The following TAFA1 variants were observed in gnomAD, a reference collection of about 807,000 sequenced individuals.
TAFA1 encodes chemokine-like protein TAFA-1.
A neutral mutation model predicts 18.5 loss-of-function variants in TAFA1; 4 were observed. The ratio of observed to expected loss-of-function variants is 0.22; its 90% CI spans 0.11 to 0.49. The LOEUF (loss-of-function observed/expected upper bound fraction) is 0.49, where lower values mean the gene tolerates loss of function less well. Among genes scored for constraint, TAFA1 ranks in the 20% least tolerant of loss-of-function variants. The pLI is 0.98. For synonymous variants in TAFA1, 56 were observed against 55.2 expected (o/e 1.01, Z -0.06); for missense variants, 147 against 169.0 (o/e 0.87, Z 0.72).
intron 2 of TAFA1, among the ~76,000 whole-genome samples, chr3:68,310,368 T>G (rs1476463386): frequency 6.6e-6 from 1 of 152,190 alleles, no homozygotes; most frequent in Non-Finnish European, 1.5e-5. Flanking sequence ...AAAGTGTTTG[T>G]AATTTTTTCT....
At chr3:68,313,033 G>A (rs184464553) in intron 2 of TAFA1, among the ~76,000 whole-genome samples, 24 of 152,154 alleles carry the variant, frequency 1.6e-4, no homozygotes, top group Admixed American at 6.5e-4. Flanking sequence ...TTTTAAAGTC[G>A]TCAGATCTCA....
chr3:68,138,153 G>T (rs2065629750), intron 2 of TAFA1, among the ~76,000 whole-genome samples: 3 of 152,164 alleles, frequency 2.0e-5, no homozygotes, highest in Admixed American at 2.0e-4. Flanking sequence ...AGAGACATTT[G>T]CTGCTCAGTG....
intron 2 of TAFA1, among the ~76,000 whole-genome samples, chr3:68,196,087 C>T (rs1034421243): frequency 6.6e-6 from 1 of 151,752 alleles, no homozygotes; most frequent in Non-Finnish European, 1.5e-5. Context: ...AAATAATCCT[C>T]ATCTCAGGAC....
Position 68,093,619 on chromosome 3 carries a change from A to C in TAFA1, c.118+86875A>C, listed in dbSNP as rs147561586. Reference sequence around the variant, plus strand: ...TTCTGTCTGACTATGTGATGTGGCCATTTGTATTCTTCTGCAGCTGCTCCA... The same window carrying C: ...TTCTGTCTGACTATGTGATGTGGCCCTTTGTATTCTTCTGCAGCTGCTCCA... On this transcript the variant is annotated intron_variant, in intron 2 of 4. Transcript: ENST00000478136. Among the ~76,000 whole-genome samples the C allele has an allele frequency of 5.0e-3, 759 of 152,146 alleles. 3 individuals are homozygous for C. Among genetic ancestry groups the C allele is most frequent in the Non-Finnish European group, 7.7e-3 (523 of 67,978 alleles).
At chr3:68,031,945 A>C (rs1704943925) in intron 2 of TAFA1, among the ~76,000 whole-genome samples, 1 of 152,150 alleles carries the variant, frequency 6.6e-6, no homozygotes, top group Admixed American at 6.6e-5. Flanking sequence ...TACGGATTTG[A>C]ATCTTCTTAT....
chr3:68,502,648 C>T (rs2106710280), intron 3 of TAFA1, among the ~76,000 whole-genome samples: 1 of 152,106 alleles, frequency 6.6e-6, no homozygotes, highest in Non-Finnish European at 1.5e-5. Context: ...GCCTATTCCC[C>T]CCTGATTCTC....
intron 2 of TAFA1, among the ~76,000 whole-genome samples, chr3:68,019,589 G>A (rs1704643228): frequency 6.6e-6 from 1 of 152,170 alleles, no homozygotes; most frequent in Non-Finnish European, 1.5e-5. Flanking sequence ...ATAATGGGTT[G>A]ACCTTTCTGG....
intron 2 of TAFA1, among the ~76,000 whole-genome samples, chr3:68,282,171 A>G (rs575975716): frequency 2.0e-5 from 3 of 152,280 alleles, no homozygotes; most frequent in African/African-American, 7.2e-5. Flanking sequence ...ACCATGATTC[A>G]ATTACGTCCC....
At chr3:68,302,531 T>C (rs1003324962) in intron 2 of TAFA1, among the ~76,000 whole-genome samples, 3 of 152,182 alleles carry the variant, frequency 2.0e-5, no homozygotes, top group Non-Finnish European at 2.9e-5. Flanking sequence ...CCTTTTCTTT[T>C]CTTGTTAATC....
At chr3:68,015,781 T>C (rs566329861) in intron 2 of TAFA1, among the ~76,000 whole-genome samples, 1 of 152,296 alleles carries the variant, frequency 6.6e-6, no homozygotes, top group Admixed American at 6.5e-5. Context: ...TTTGAGAAAA[T>C]GATTTATGAT....
At chr3:68,171,122 C>A (rs980916575) in intron 2 of TAFA1, among the ~76,000 whole-genome samples, 1 of 152,070 alleles carries the variant, frequency 6.6e-6, no homozygotes, top group African/African-American at 2.4e-5. Flanking sequence ...TTTTAAATAG[C>A]AATATCATCT....
intron 2 of TAFA1, among the ~76,000 whole-genome samples, chr3:68,020,005 A>G (rs1327523367): frequency 1.3e-5 from 2 of 152,220 alleles, no homozygotes; most frequent in African/African-American, 4.8e-5. Flanking sequence ...AAATTCAGAA[A>G]CAACCAGAAT....
chr3:68,137,190 C>CA (rs1013749802), intron 2 of TAFA1, among the ~76,000 whole-genome samples: 1 of 150,544 alleles, frequency 6.6e-6, no homozygotes, highest in African/African-American at 2.4e-5. Flanking sequence ...CAAAGCAAAA[C>CA]AAAAAAACCT....
chr3:68,173,356 G>T (rs935314318), intron 2 of TAFA1, among the ~76,000 whole-genome samples: 2 of 147,728 alleles, frequency 1.4e-5, no homozygotes, highest in Admixed American at 6.6e-5. Context: ...TTTAATGGAT[G>T]AATTACAACT....
chr3:68,158,026 G>A lies in TAFA1; in HGVS notation c.118+151282G>A, dbSNP rs556815298. On this transcript the variant is annotated intron_variant, in intron 2 of 4. Coordinates refer to ENST00000478136, the MANE Select transcript of TAFA1 (RefSeq NM_213609.4). ...GAGATCAATAGCTTTCTCTTAGAAT[G>A]AGCGGAAATTAAAATCTGTGATGAG... is the stretch of plus-strand genomic sequence containing the variant. Among the ~76,000 whole-genome samples, 10 of 152,228 alleles carry A rather than the reference G, an allele frequency of 6.6e-5. No individual in the cohort carries two copies. The South Asian group carries it at 1.9e-3, about 28-fold the overall frequency.
chr3:68,503,285 C>T (rs185807190), intron 3 of TAFA1, among the ~76,000 whole-genome samples: 1 of 152,242 alleles, frequency 6.6e-6, no homozygotes, highest in East Asian at 1.9e-4. Flanking sequence ...CACAGTATCT[C>T]ATTATGTATG....
chr3:68,205,196 A>C (rs553540024), intron 2 of TAFA1, among the ~76,000 whole-genome samples: 1 of 151,994 alleles, frequency 6.6e-6, no homozygotes, highest in African/African-American at 2.4e-5. Flanking sequence ...AGATGATTTA[A>C]ATTCATTCAA....
At chr3:68,117,351 G>A (rs1321806328) in intron 2 of TAFA1, among the ~76,000 whole-genome samples, 2 of 152,138 alleles carry the variant, frequency 1.3e-5, no homozygotes, top group Non-Finnish European at 2.9e-5. Flanking sequence ...CATTCTCAGA[G>A]GAGTGGCAAC....
chr3:68,344,793 A>G (rs2069138172), intron 2 of TAFA1, among the ~76,000 whole-genome samples: 1 of 152,126 alleles, frequency 6.6e-6, no homozygotes, highest in African/African-American at 2.4e-5. Flanking sequence ...CATTGTTTTT[A>G]TTCTCAAATA....
Sources: allele counts gnomAD v4.1 joint callset (sites outside exome capture counted in the v4.1 genomes callset), GRCh38; gene constraint gnomAD v4.1.1; transcripts MANE v1.5; gene names NCBI Gene and HGNC (gene_info 2026-07-23, HGNC 2026-07-21).